SAMD12: variants seen among roughly 807,000 people sequenced by gnomAD.
SAMD12 encodes sterile alpha motif domain containing 12.
In SAMD12, 9 loss-of-function variants were observed where a neutral mutation model predicts 15.0. The observed-to-expected ratio is 0.60, with a 90% CI of 0.36 to 1.05. SAMD12 has a LOEUF of 1.05. Among genes scored for constraint, SAMD12 ranks in the 50% least tolerant of loss-of-function variants. SAMD12 has a pLI of 0.01. For missense variants in SAMD12, 230 were observed against 234.2 expected (o/e 0.98, Z 0.12); for synonymous variants, 86 against 90.1 (o/e 0.96, Z 0.25).
At chr8:118,159,719 C>CTTT in the SAMD12 span, among the ~76,000 whole-genome samples, 1 of 143,256 alleles carries the variant, frequency 7.0e-6, no homozygotes, top group Non-Finnish European at 1.5e-5. Context: ...CTTTTTTTTT[C>CTTT]TTTTTTTTTT....
intron 2 of SAMD12, among the ~76,000 whole-genome samples, chr8:118,481,932 C>G (rs117681915): frequency 1.3e-5 from 2 of 152,132 alleles, no homozygotes; most frequent in African/African-American, 4.8e-5. Context: ...AAGACCTCTA[C>G]CTATATTAAC....
intron 4 of SAMD12, among the ~76,000 whole-genome samples, chr8:118,248,463 G>T (rs1268551325): frequency 6.6e-6 from 1 of 152,106 alleles, no homozygotes; most frequent in Non-Finnish European, 1.5e-5. Context: ...GAGGCTGGAT[G>T]GAGGGTGGTG....
chr8:118,144,861 C>A, the SAMD12 span, among the ~76,000 whole-genome samples: 1 of 152,184 alleles, frequency 6.6e-6, no homozygotes, highest in Non-Finnish European at 1.5e-5. Flanking sequence ...TACTAAAAAT[C>A]CATATAGTCT....
intron 3 of SAMD12, among the ~76,000 whole-genome samples, chr8:118,407,395 T>C (rs932280236): frequency 1.3e-5 from 2 of 152,196 alleles, no homozygotes; most frequent in Non-Finnish European, 2.9e-5. Flanking sequence ...AGGTTTTGAT[T>C]ATTATTTCTC....
intron 2 of SAMD12, among the ~76,000 whole-genome samples, chr8:118,553,080 C>G (rs75344352): frequency 2.0e-5 from 3 of 151,916 alleles, no homozygotes; most frequent in Non-Finnish European, 4.4e-5. Context: ...TAGGAAGAAT[C>G]AATATCGTGA....
intron 4 of SAMD12, among the ~76,000 whole-genome samples, chr8:118,271,265 G>A (rs1000306294): frequency 3.9e-5 from 6 of 152,020 alleles, no homozygotes; most frequent in Admixed American, 6.6e-5. Flanking sequence ...GAGAAGTGCC[G>A]AGCAAAAGCC....
At chr8:118,265,162 C>G (rs1037940918) in intron 4 of SAMD12, among the ~76,000 whole-genome samples, 1 of 152,162 alleles carries the variant, frequency 6.6e-6, no homozygotes, top group Non-Finnish European at 1.5e-5. Context: ...CTTGGCCAGA[C>G]AGCTCCAGGT....
chr8:118,183,056 A>C, the SAMD12 span, among the ~76,000 whole-genome samples: 236 of 152,354 alleles, frequency 1.5e-3, no homozygotes, highest in Non-Finnish European at 2.8e-3. Flanking sequence ...GAGGACTCCA[A>C]ATCAAATGCC....
chr8:118,439,997 C>T (rs374328026), intron 2 of SAMD12, 36 bp from the exon 3 acceptor site: 14 of 1,610,168 alleles, frequency 8.7e-6, no homozygotes, highest in Non-Finnish European at 9.3e-6. Context: ...CAATGCTGGC[C>T]CCATGCCTAG....
At chr8:118,335,454 T>C (rs1372241144) in intron 4 of SAMD12, among the ~76,000 whole-genome samples, 1 of 152,196 alleles carries the variant, frequency 6.6e-6, no homozygotes, top group East Asian at 1.9e-4. Context: ...AAGTCCCAAG[T>C]ACAATGTCAA....
chr8:118,500,066 C>CTT (rs1563896518), intron 2 of SAMD12, among the ~76,000 whole-genome samples: 1 of 61,434 alleles, frequency 1.6e-5, no homozygotes, highest in African/African-American at 6.7e-5. Flanking sequence ...CTGAGTTTTG[C>CTT]CTTTTTTTTT....
At chr8:118,512,044 A>AT (rs144661457) in intron 2 of SAMD12, among the ~76,000 whole-genome samples, 65 of 150,316 alleles carry the variant, frequency 4.3e-4, no homozygotes, top group Admixed American at 1.9e-3. Context: ...TATAAAGAAC[A>AT]TTTTTTTTTT....
At chr8:118,288,845 T>A (rs1243869656) in intron 4 of SAMD12, among the ~76,000 whole-genome samples, 4 of 152,170 alleles carry the variant, frequency 2.6e-5, no homozygotes, top group Non-Finnish European at 5.9e-5. Context: ...TAAAAAATAA[T>A]AAATACCAGG....
At chr8:118,415,289 C>T (rs778336524) in intron 3 of SAMD12, among the ~76,000 whole-genome samples, 9 of 152,224 alleles carry the variant, frequency 5.9e-5, no homozygotes, top group Admixed American at 1.3e-4. Context: ...TGCTTCCATC[C>T]AAGATCTTTT....
chr8:118,354,956 ATACCAC>A (rs1818156433), intron 4 of SAMD12, among the ~76,000 whole-genome samples: 1 of 152,244 alleles, frequency 6.6e-6, no homozygotes. Context: ...ACATTTAAAA[ATACCAC>A]TATGGAAAAC....
the SAMD12 span, among the ~76,000 whole-genome samples, chr8:118,142,492 T>C: frequency 1.3e-5 from 2 of 152,352 alleles, no homozygotes; most frequent in South Asian, 4.1e-4. Context: ...ACCATTCAAT[T>C]CATATCTATC....
chr8:118,396,437 C>T (rs1455743845), intron 3 of SAMD12, among the ~76,000 whole-genome samples: 1 of 152,148 alleles, frequency 6.6e-6, no homozygotes, highest in Non-Finnish European at 1.5e-5. Flanking sequence ...AATATGTTCA[C>T]ATGCCTGTTC....
chr8:118,221,577 T>A (rs1016856050), intron 4 of SAMD12, among the ~76,000 whole-genome samples: 4 of 151,236 alleles, frequency 2.6e-5, no homozygotes, highest in South Asian at 2.1e-4. Context: ...GAGTGAGGGG[T>A]GGGAGAGAGA....
At chr8:118,265,619 A>G (rs1290545745) in intron 4 of SAMD12, among the ~76,000 whole-genome samples, 2 of 152,068 alleles carry the variant, frequency 1.3e-5, no homozygotes, top group African/African-American at 4.8e-5. Context: ...AGTTGGAACT[A>G]GATTCCCTCT....
Sources: allele counts gnomAD v4.1 joint callset (sites outside exome capture counted in the v4.1 genomes callset), GRCh38; gene constraint gnomAD v4.1.1; transcripts MANE v1.5; gene names NCBI Gene and HGNC (gene_info 2026-07-23, HGNC 2026-07-21).